Variants in ESR1 observed in about 807,000 individuals in gnomAD.
ESR1 encodes estrogen receptor.
In ESR1, 12 loss-of-function variants were observed where a neutral mutation model predicts 52.7. The observed-to-expected ratio is 0.23, with a 90% CI of 0.15 to 0.37. ESR1 has a LOEUF of 0.37. ESR1 is among the 10% of genes least tolerant of loss of function. The pLI is 1.00. For missense variants in ESR1, 584 were observed against 779.7 expected (o/e 0.75, Z 2.99); for synonymous variants, 305 against 316.8 (o/e 0.96, Z 0.39).
intron 2 of ESR1, among the ~76,000 whole-genome samples, chr6:151,777,757 C>A (rs139532018): frequency 2.6e-5 from 4 of 151,916 alleles, no homozygotes; most frequent in African/African-American, 9.7e-5. Context: ...GTCAGGAGTT[C>A]GAGACCAGCG....
At chr6:152,106,082 C>T (rs990866833), downstream of ESR1, among the ~76,000 whole-genome samples, 4 of 152,016 alleles carry the variant, frequency 2.6e-5, no homozygotes, top group South Asian at 2.1e-4. Flanking sequence ...CGTGAGCCAC[C>T]GCGCCCGGCC....
In ESR1 at chr6:152,045,289, G is replaced by A. The variant is rs565272109; in HGVS notation, c.1236-15702G>A. The stretch of plus-strand genomic sequence containing the variant: ...AAGTCTTAGTCTCAGGACTGGCACC[G>A]TGCACTTGGCCATTGAAAAGACTTT... On this transcript the variant is annotated intron_variant, in intron 5 of 7. Coordinates refer to ENST00000206249, the MANE Select transcript of ESR1 (RefSeq NM_000125.4). 1.2e-4 allele frequency among the ~76,000 whole-genome samples: 18 copies of A among 152,284 alleles called. No individual in the cohort carries two copies. In the Middle Eastern group the frequency reaches 0.01, roughly 86 times the overall value.
At chr6:151,989,116 T>C (rs1402493789) in intron 4 of ESR1, among the ~76,000 whole-genome samples, 3 of 152,164 alleles carry the variant, frequency 2.0e-5, no homozygotes, top group Non-Finnish European at 4.4e-5. Context: ...GAGAGAGTTA[T>C]TTAGTCCATG....
intron 4 of ESR1, among the ~76,000 whole-genome samples, chr6:151,958,313 G>GA (rs2037235580): frequency 7.0e-6 from 1 of 143,008 alleles, no homozygotes; most frequent in Admixed American, 7.0e-5. Context: ...GGCTCTTTTG[G>GA]GGAAAAAAAA....
At chr6:151,943,133 C>A (rs1261762625) in intron 3 of ESR1, among the ~76,000 whole-genome samples, 5 of 152,138 alleles carry the variant, frequency 3.3e-5, no homozygotes, top group African/African-American at 1.2e-4. Context: ...ATAATCCCAG[C>A]ACTTTGGGAG....
intron 1 of ESR1, among the ~76,000 whole-genome samples, chr6:151,827,840 A>G (rs920685691): frequency 3.9e-5 from 6 of 152,346 alleles, no homozygotes; most frequent in Admixed American, 2.6e-4. Context: ...CCGAAAGACT[A>G]TATGTATGCA....
At chr6:151,669,252 T>C (rs1411851390) in intron 1 of ESR1, among the ~76,000 whole-genome samples, 1 of 113,632 alleles carries the variant, frequency 8.8e-6, no homozygotes, top group Non-Finnish European at 1.8e-5. Flanking sequence ...AGGCTGGGGT[T>C]GCTGGTTTCT....
chr6:151,718,373 A>G (rs1007555004), intron 2 of ESR1, among the ~76,000 whole-genome samples: 10 of 152,206 alleles, frequency 6.6e-5, no homozygotes, highest in African/African-American at 1.4e-4. Context: ...AGGCACAGAG[A>G]CTAACATTTA....
At chr6:151,761,660 A>G (rs1020610406) in intron 2 of ESR1, among the ~76,000 whole-genome samples, 3 of 152,218 alleles carry the variant, frequency 2.0e-5, no homozygotes, top group Admixed American at 6.5e-5. Context: ...TAGAACAGTA[A>G]GCCCTCAATA....
chr6:151,706,682 G>T (rs1002633537), intron 2 of ESR1, among the ~76,000 whole-genome samples: 1 of 152,142 alleles, frequency 6.6e-6, no homozygotes, highest in African/African-American at 2.4e-5. Context: ...CTTGCCTAGG[G>T]TTTCAGCTGA....
chr6:152,093,380 C>T (rs1356291283), intron 6 of ESR1, among the ~76,000 whole-genome samples: 1 of 151,730 alleles, frequency 6.6e-6, no homozygotes, highest in Non-Finnish European at 1.5e-5. Flanking sequence ...CACCCCCCCA[C>T]ACTATCACCT....
chr6:151,783,920 A>G (rs1786780740), intron 2 of ESR1, among the ~76,000 whole-genome samples: 1 of 152,158 alleles, frequency 6.6e-6, no homozygotes, highest in Non-Finnish European at 1.5e-5. Flanking sequence ...ATGTACCTCA[A>G]CTGAGATTTG....
At position 152,102,982 on chromosome 6, in the gene ESR1, G is replaced by C. The variant is rs988739619; in HGVS notation, c.*4016G>C. On this transcript the variant is annotated 3_prime_UTR_variant, in exon 8 of 8. Transcript: ENST00000206249. ...AATAAGTGACATTATGCCAGTTTCT[G>C]TTCTCTCACAGGTGATAAACAATGC... 6.3e-5 allele frequency: 14 copies of C among 221,746 alleles called. No individual in the cohort carries two copies. Among genetic ancestry groups the C allele is most frequent in the Non-Finnish European group, 1.2e-4 (13 of 110,658 alleles). 13.7% of individuals were successfully genotyped at this position (221,746 alleles called of 1,614,324 possible).
intron 2 of ESR1, among the ~76,000 whole-genome samples, chr6:151,754,870 C>T (rs1784162185): frequency 6.6e-6 from 1 of 152,174 alleles, no homozygotes; most frequent in Non-Finnish European, 1.5e-5. Context: ...TGCTACGTGA[C>T]ATCTCCACTG....
chr6:151,868,699 T>A (rs1044586977), intron 2 of ESR1, among the ~76,000 whole-genome samples: 1 of 152,152 alleles, frequency 6.6e-6, no homozygotes, highest in Admixed American at 6.5e-5. Context: ...ATTCTTTATC[T>A]AGGATAACTG....
chr6:151,995,576 A>G (rs552045126), intron 4 of ESR1, among the ~76,000 whole-genome samples: 12 of 152,206 alleles, frequency 7.9e-5, no homozygotes, highest in Non-Finnish European at 1.6e-4. Flanking sequence ...TCAACATTGA[A>G]ATTCTAACTA....
intron 1 of ESR1, among the ~76,000 whole-genome samples, chr6:151,837,919 C>T (rs1221256602): frequency 6.6e-6 from 1 of 152,060 alleles, no homozygotes; most frequent in Non-Finnish European, 1.5e-5. Flanking sequence ...GTGAAGTCTC[C>T]CCTTAGGAAA....
Position 151,832,541 on chromosome 6 carries a change from C to T in ESR1, c.453-10056C>T, listed in dbSNP as rs541105267. Among the ~76,000 whole-genome samples, 17 of 152,238 alleles carry T rather than the reference C, an allele frequency of 1.1e-4. No individual in the cohort carries two copies. The South Asian group carries it at 3.5e-3, about 32-fold the overall frequency. Reference sequence around the variant, plus strand: ...AAGCAGAGAGAGGTACACAGGTAACCACATTTAGATGGACTGGGATGTTGC... The same window carrying T: ...AAGCAGAGAGAGGTACACAGGTAACTACATTTAGATGGACTGGGATGTTGC... On this transcript the variant is annotated intron_variant, in intron 1 of 7. Coordinates refer to ENST00000206249, the MANE Select transcript of ESR1 (RefSeq NM_000125.4).
chr6:152,096,712 G>T (rs1376768909), intron 7 of ESR1: 1 of 456,002 alleles, frequency 2.2e-6, no homozygotes. Context: ...GTCAGGTAGA[G>T]TAGGTGACTG....
Sources: allele counts gnomAD v4.1 joint callset (sites outside exome capture counted in the v4.1 genomes callset), GRCh38; gene constraint gnomAD v4.1.1; transcripts MANE v1.5; gene names NCBI Gene and HGNC (gene_info 2026-07-23, HGNC 2026-07-21).